NXPH1: variants seen among roughly 807,000 people sequenced by gnomAD.
The protein encoded by NXPH1 is neurexophilin 1, also known as neurexophilin-1.
Under a neutral mutation model 23.7 loss-of-function variants are expected in NXPH1, and 5 were observed. That is an observed-to-expected ratio of 0.21 (90% CI 0.11 to 0.44). The LOEUF (loss-of-function observed/expected upper bound fraction) is 0.44. NXPH1 is among the 20% of genes least tolerant of loss of function. NXPH1 has a pLI of 0.99. For synonymous variants in NXPH1, 144 were observed against 122.2 expected (o/e 1.18, Z -1.18); for missense variants, 324 against 321.6 (o/e 1.01, Z -0.06).
At chr7:8,448,685 C>G (rs973410926) in intron 2 of NXPH1, among the ~76,000 whole-genome samples, 2 of 152,082 alleles carry the variant, frequency 1.3e-5, no homozygotes, top group Non-Finnish European at 2.9e-5. Context: ...GGTGTGGCGG[C>G]ACATGCCTGT....
At chr7:8,732,066 G>A (rs556775545) in intron 2 of NXPH1, among the ~76,000 whole-genome samples, 9 of 152,328 alleles carry the variant, frequency 5.9e-5, no homozygotes, top group East Asian at 1.9e-4. Flanking sequence ...TAAGCCCGTC[G>A]GAAAAGCGCA....
chr7:8,723,818 G>A (rs1307761964), intron 2 of NXPH1, among the ~76,000 whole-genome samples: 1 of 152,144 alleles, frequency 6.6e-6, no homozygotes, highest in Non-Finnish European at 1.5e-5. Flanking sequence ...ATTCCAGGAA[G>A]GGGAAGCAGC....
chr7:8,673,821 A>G (rs935655727), intron 2 of NXPH1, among the ~76,000 whole-genome samples: 1 of 152,196 alleles, frequency 6.6e-6, no homozygotes, highest in Non-Finnish European at 1.5e-5. Context: ...GCTACTTGAA[A>G]AAAAACACAT....
At chr7:8,554,038 GT>G (rs1818316840) in intron 2 of NXPH1, among the ~76,000 whole-genome samples, 1 of 151,624 alleles carries the variant, frequency 6.6e-6, no homozygotes, top group Middle Eastern at 3.2e-3. Flanking sequence ...CTGAAGTGTG[GT>G]TTTAATCTAC....
intron 2 of NXPH1, among the ~76,000 whole-genome samples, chr7:8,622,024 C>T (rs1391514502): frequency 1.3e-5 from 2 of 152,176 alleles, no homozygotes; most frequent in Admixed American, 6.5e-5. Context: ...CTGCACATTT[C>T]GGTGAGTATT....
intron 2 of NXPH1, among the ~76,000 whole-genome samples, chr7:8,705,573 A>G (rs1402371167): frequency 6.6e-6 from 1 of 152,208 alleles, no homozygotes; most frequent in African/African-American, 2.4e-5. Context: ...ATGTATCTTA[A>G]AGAATTACTG....
chr7:8,694,463 A>G (rs1821272127), intron 2 of NXPH1, among the ~76,000 whole-genome samples: 1 of 152,214 alleles, frequency 6.6e-6, no homozygotes, highest in African/African-American at 2.4e-5. Flanking sequence ...GTCATATGGT[A>G]GAGAAAAAAA....
chr7:8,671,378 A>C (rs17153515), intron 2 of NXPH1, among the ~76,000 whole-genome samples: 3,091 of 152,234 alleles, frequency 0.02, 63 homozygotes, highest in Middle Eastern at 0.048. Context: ...TTTGATTGCC[A>C]ATATGATGTT....
chr7:8,584,827 G>T (rs1210323931), intron 2 of NXPH1, among the ~76,000 whole-genome samples: 1 of 152,148 alleles, frequency 6.6e-6, no homozygotes, highest in Non-Finnish European at 1.5e-5. Flanking sequence ...ACCTATCTCA[G>T]TGGCCTTTTC....
At chr7:8,650,881 A>G (rs1235663309) in intron 2 of NXPH1, among the ~76,000 whole-genome samples, 1 of 152,246 alleles carries the variant, frequency 6.6e-6, no homozygotes, top group African/African-American at 2.4e-5. Flanking sequence ...GTAAATGAAC[A>G]AAACTAAATG....
At chr7:8,644,836 C>A (rs1021405490) in intron 2 of NXPH1, among the ~76,000 whole-genome samples, 1 of 152,142 alleles carries the variant, frequency 6.6e-6, no homozygotes, top group Non-Finnish European at 1.5e-5. Flanking sequence ...ATTTTGTGCA[C>A]ATCATTCCTT....
At chr7:8,696,526 C>T (rs1197275242) in intron 2 of NXPH1, among the ~76,000 whole-genome samples, 1 of 152,122 alleles carries the variant, frequency 6.6e-6, no homozygotes, top group African/African-American at 2.4e-5. Flanking sequence ...AAAGATCTCT[C>T]TGGGGATATA....
In NXPH1 at chr7:8,634,665, GTTTTTT is replaced by G. The variant is rs144810873; in HGVS notation, c.55-116318_55-116313del. ...TGCATGGTAGAGATTGTCCAGAAGA[GTTTTTT>G]TTTTTTTTTTTTTTTTTTTTTTTTC... On this transcript the variant is annotated intron_variant, in intron 2 of 2. Coordinates refer to ENST00000405863, the MANE Select transcript of NXPH1 (RefSeq NM_152745.3). 1.6e-3 allele frequency among the ~76,000 whole-genome samples: 149 copies of G among 95,632 alleles called. 1 individual carries two copies. Among genetic ancestry groups the G allele is most frequent in the African/African-American group, 3.0e-3 (84 of 28,248 alleles). 62.7% of individuals were successfully genotyped at this position (95,632 alleles called of 152,430 possible).
intron 2 of NXPH1, among the ~76,000 whole-genome samples, chr7:8,493,884 G>A (rs1817292996): frequency 6.6e-6 from 1 of 151,910 alleles, no homozygotes; most frequent in African/African-American, 2.4e-5. Context: ...GGAAAAACAT[G>A]GGTACTATTG....
chr7:8,635,806 A>C (rs1379319829), intron 2 of NXPH1, among the ~76,000 whole-genome samples: 1 of 152,218 alleles, frequency 6.6e-6, no homozygotes, highest in Admixed American at 6.5e-5. Flanking sequence ...CAATTAAAAA[A>C]GTTTGGTCCA....
chr7:8,450,552 A>T lies in NXPH1; in HGVS notation c.54+14785A>T, dbSNP rs189998069. Among the ~76,000 whole-genome samples, 487 of 152,354 alleles carry T rather than the reference A, an allele frequency of 3.2e-3. 4 individuals carry two copies. The highest frequency in any genetic ancestry group is 0.011 in the African/African-American group (460 of 41,584). On this transcript the variant is annotated intron_variant, in intron 2 of 2. Coordinates refer to ENST00000405863, the MANE Select transcript of NXPH1 (RefSeq NM_152745.3). Reference sequence around the variant, plus strand: ...GAATTTATCTATTTCTGAAAAATAAAAGTAGATCCAAGACACTTTTGCCCC... The same window carrying T: ...GAATTTATCTATTTCTGAAAAATAATAGTAGATCCAAGACACTTTTGCCCC...
intron 2 of NXPH1, among the ~76,000 whole-genome samples, chr7:8,621,578 C>G (rs1163490584): frequency 6.6e-6 from 1 of 151,238 alleles, no homozygotes; most frequent in Non-Finnish European, 1.5e-5. Flanking sequence ...ACCTCCACCT[C>G]CTGGGTTCAA....
At chr7:8,653,569 G>A (rs941578141) in intron 2 of NXPH1, among the ~76,000 whole-genome samples, 3 of 152,170 alleles carry the variant, frequency 2.0e-5, no homozygotes, top group African/African-American at 7.2e-5. Flanking sequence ...CCATAAAGAT[G>A]TTATACTACC....
chr7:8,701,664 T>G (rs1369213429), intron 2 of NXPH1, among the ~76,000 whole-genome samples: 15 of 152,122 alleles, frequency 9.9e-5, no homozygotes. Context: ...TTTCTGCACT[T>G]GTGTTTTAAT....
Sources: gnomAD v4.1 joint callset for allele counts (sites outside exome capture counted in the v4.1 genomes callset) on GRCh38, gnomAD v4.1.1 for gene constraint, MANE v1.5 for transcripts, NCBI Gene and HGNC (gene_info 2026-07-23, HGNC 2026-07-21) for gene names.